Variants in CLYBL observed in about 807,000 individuals in gnomAD.
CLYBL encodes the protein citramalyl-CoA lyase, mitochondrial.
CLYBL carries 31 observed loss-of-function variants against 38.9 expected under a neutral mutation model. The ratio of observed to expected loss-of-function variants is 0.80; its 90% CI spans 0.60 to 1.08. The LOEUF (loss-of-function observed/expected upper bound fraction) is 1.08, where lower values mean the gene tolerates loss of function less well. Ranked by LOEUF, CLYBL falls within the 50% of genes least tolerant of loss-of-function variation. CLYBL has a pLI of 0.00. For missense variants in CLYBL, 434 were observed against 411.6 expected (o/e 1.05, Z -0.47); for synonymous variants, 171 against 158.6 (o/e 1.08, Z -0.59).
intron 1 of CLYBL, among the ~76,000 whole-genome samples, chr13:99,756,573 A>G (rs367798286): frequency 2.0e-5 from 3 of 152,194 alleles, no homozygotes; most frequent in African/African-American, 7.2e-5. Flanking sequence ...ACAAATTTGT[A>G]AACTTTCTTA....
At chr13:99,827,185 T>C (rs2050711025) in intron 2 of CLYBL, among the ~76,000 whole-genome samples, 1 of 152,194 alleles carries the variant, frequency 6.6e-6, no homozygotes, top group South Asian at 2.1e-4. Context: ...AGACTCCAGT[T>C]GGAAGCAGTT....
chr13:99,906,989 G>A (rs962840395), intron 9 of CLYBL, among the ~76,000 whole-genome samples: 1 of 152,136 alleles, frequency 6.6e-6, no homozygotes, highest in Non-Finnish European at 1.5e-5. Context: ...TATCAAAAAA[G>A]CCTCATTGGC....
At chr13:99,877,452 A>G (rs1274525103) in intron 7 of CLYBL, 1 of 238,908 alleles carries the variant, frequency 4.2e-6, no homozygotes, top group East Asian at 1.5e-4. Context: ...TCACTACATC[A>G]TCTCCACACC....
intron 1 of CLYBL, among the ~76,000 whole-genome samples, chr13:99,623,948 G>A (rs2139211852): frequency 1.5e-5 from 2 of 129,932 alleles, no homozygotes; most frequent in Admixed American, 8.8e-5. Context: ...AACAGAGTGA[G>A]ACTCCATCTC....
At chr13:99,613,508 C>G (rs918301788) in intron 1 of CLYBL, among the ~76,000 whole-genome samples, 1 of 152,024 alleles carries the variant, frequency 6.6e-6, no homozygotes, top group Admixed American at 6.6e-5. Context: ...CTGAGGTTAC[C>G]GTGACAACCA....
intron 2 of CLYBL, among the ~76,000 whole-genome samples, chr13:99,819,586 G>A (rs2050546548): frequency 6.6e-6 from 1 of 150,880 alleles, no homozygotes; most frequent in Non-Finnish European, 1.5e-5. Context: ...TCTGCGATCT[G>A]CTGTCTGCAA....
At chr13:99,606,958 T>G (rs2139154549) in intron 1 of CLYBL, among the ~76,000 whole-genome samples, 1 of 152,300 alleles carries the variant, frequency 6.6e-6, no homozygotes, top group Non-Finnish European at 1.5e-5. Flanking sequence ...AGGGCCCTCG[T>G]TGCACCCGGA....
At chr13:99,795,949 G>T (rs985797051) in intron 2 of CLYBL, among the ~76,000 whole-genome samples, 1 of 152,210 alleles carries the variant, frequency 6.6e-6, no homozygotes, top group Non-Finnish European at 1.5e-5. Flanking sequence ...GCATGGGGCA[G>T]GGTGGAATGT....
rs563004320 is a variant in CLYBL, at chr13:99,866,474, C to T, written c.802+67C>T. 2.0e-5 allele frequency: 28 copies of T among 1,381,034 alleles called. No homozygotes were observed. In the African/African-American group the frequency reaches 3.3e-4, roughly 16 times the overall value. 85.5% of individuals were successfully genotyped at this position (1,381,034 alleles called of 1,614,324 possible). On this transcript the variant is annotated intron_variant, in intron 6 of 8. Transcript: ENST00000339105. ...CATTCCAGAAAAATAGAAATTTGAC[C>T]CGAAAACACCCCTAATCTCATCAGA...
chr13:99,819,416 T>TTTTATATATATATA (rs2050529523), intron 2 of CLYBL, among the ~76,000 whole-genome samples: 1 of 18,382 alleles, frequency 5.4e-5, no homozygotes. Context: ...GGGAAAAAAT[T>TTTTATATATATATA]TATATATATA....
At chr13:99,807,809 A>G (rs1470651949) in intron 2 of CLYBL, among the ~76,000 whole-genome samples, 2 of 152,220 alleles carry the variant, frequency 1.3e-5, no homozygotes, top group Admixed American at 6.5e-5. Flanking sequence ...ATGTTTCACC[A>G]TAATAAAATA....
intron 1 of CLYBL, among the ~76,000 whole-genome samples, chr13:99,621,060 GT>G (rs1469352972): frequency 6.6e-6 from 1 of 152,124 alleles, no homozygotes; most frequent in African/African-American, 2.4e-5. Context: ...AATTTACCAG[GT>G]AATCTGGTGA....
intron 1 of CLYBL, among the ~76,000 whole-genome samples, chr13:99,716,136 G>T (rs2048307313): frequency 1.2e-5 from 1 of 81,352 alleles, no homozygotes. Context: ...AAAGTGTTTT[G>T]TAATGTTAAA....
At chr13:99,884,678 G>T (rs1194074399) in intron 7 of CLYBL, among the ~76,000 whole-genome samples, 2 of 152,186 alleles carry the variant, frequency 1.3e-5, no homozygotes, top group Admixed American at 1.3e-4. Flanking sequence ...AAGTCCCTGG[G>T]CCTGTGGCAC....
chr13:99,859,944 G>A (rs2051558586), intron 3 of CLYBL, among the ~76,000 whole-genome samples: 1 of 152,248 alleles, frequency 6.6e-6, no homozygotes, highest in Non-Finnish European at 1.5e-5. Flanking sequence ...TTTCATGGAA[G>A]CCACATCTAG....
intron 2 of CLYBL, among the ~76,000 whole-genome samples, chr13:99,846,254 A>G (rs1192370864): frequency 6.7e-6 from 1 of 150,284 alleles, no homozygotes; most frequent in African/African-American, 2.4e-5. Flanking sequence ...ATGTTGATGG[A>G]TATTACCAAT....
chr13:99,633,165 C>T lies in CLYBL; in HGVS notation c.62+26408C>T, dbSNP rs1182011865. 1.7e-5 allele frequency among the ~76,000 whole-genome samples: 2 copies of T among 119,114 alleles called. 1 individual carries two copies. Among genetic ancestry groups the T allele is most frequent in the South Asian group, 6.2e-4 (2 of 3,244 alleles). The allele number at this position is 119,114 out of a possible 152,430, so 78.1% of individuals were successfully genotyped here. A position where few individuals can be genotyped will look rare whatever the true frequency, so the allele number is the denominator to read the frequency against. On this transcript the variant is annotated intron_variant, in intron 1 of 8. Transcript: ENST00000339105. ...GGCAGAGGTTGCAGTGAGCCGAGAT[C>T]ATACCAGTGCACTCCAGCCTGGGCA...
At chr13:99,854,324 T>A (rs895116809) in intron 2 of CLYBL, among the ~76,000 whole-genome samples, 6 of 151,806 alleles carry the variant, frequency 4.0e-5, no homozygotes, top group African/African-American at 1.5e-4. Context: ...TTTAAGGCAC[T>A]TACTTGGGTA....
intron 2 of CLYBL, among the ~76,000 whole-genome samples, chr13:99,784,929 C>T (rs1002012839): frequency 7.9e-5 from 12 of 151,984 alleles, no homozygotes; most frequent in African/African-American, 2.4e-4. Flanking sequence ...CTTACTCTGT[C>T]GCCCAGGCTT....
Sources: allele counts gnomAD v4.1 joint callset (sites outside exome capture counted in the v4.1 genomes callset), GRCh38; gene constraint gnomAD v4.1.1; transcripts MANE v1.5; gene names NCBI Gene and HGNC (gene_info 2026-07-23, HGNC 2026-07-21).